Variants in DDX6 observed in about 807,000 individuals in gnomAD.
DDX6 encodes the protein probable ATP-dependent RNA helicase DDX6.
DDX6 carries 7 observed loss-of-function variants against 60.6 expected under a neutral mutation model. The observed-to-expected ratio is 0.12, with a 90% confidence interval of 0.07 to 0.22. DDX6 has a LOEUF of 0.22. Among genes scored for constraint, DDX6 ranks in the 10% least tolerant of loss-of-function variants. The pLI, the probability that DDX6 is intolerant of heterozygous loss-of-function variation, is 1.00. For missense variants in DDX6, 270 were observed against 589.9 expected (o/e 0.46, Z 5.62); for synonymous variants, 207 against 201.0 (o/e 1.03, Z -0.25).
At position 118,791,156 on chromosome 11, in the gene DDX6, G is replaced by T; in HGVS notation, c.-326C>A. On this transcript the variant is annotated 5_prime_UTR_variant, in exon 1 of 14. Coordinates refer to ENST00000534980, the MANE Select transcript of DDX6 (RefSeq NM_004397.6). ...AGTCGCCGCCTGGCTGAGCTAACTC[G>T]GCTCCTCTGCCCCCTCCCTCGCTCG... The T allele has an allele frequency of 6.6e-6, 1 of 151,808 alleles. No individual in the cohort carries two copies. The highest frequency in any genetic ancestry group is 2.1e-4 in the South Asian group (1 of 4,838). 9.4% of individuals were successfully genotyped at this position (151,808 alleles called of 1,614,324 possible).
intron 13 of DDX6, 139 bp downstream of exon 13, chr11:118,754,564 TTA>T (rs1860899169): frequency 1.5e-5 from 10 of 687,358 alleles, no homozygotes; most frequent in Admixed American, 3.3e-5. Context: ...ACAAGAGATA[TTA>T]TTTACTGTCA....
intron 9 of DDX6, 65 bp downstream of exon 9, chr11:118,758,708 TG>T (rs1446739513): frequency 6.3e-7 from 1 of 1,575,802 alleles, no homozygotes; most frequent in Non-Finnish European, 8.6e-7. Flanking sequence ...GTGGGAAAAT[TG>T]ATGAAATCAT....
At chr11:118,788,939 C>T (rs962271322) in intron 1 of DDX6, 1 of 152,134 alleles carries the variant, frequency 6.6e-6, no homozygotes, top group African/African-American at 2.4e-5. Context: ...CCTTAGCCTC[C>T]TAAAGTGCTA....
intron 1 of DDX6, chr11:118,789,997 TACAGCACTTCACAGATCGTAGTTAGC>T (rs1862212285): frequency 2.0e-5 from 3 of 152,154 alleles, no homozygotes; most frequent in African/African-American, 7.2e-5. Context: ...CGGAGTTAAT[TACAGCACTTCACAGATCGTAGTTAGC>T]AATTGACAGT....
In DDX6 at chr11:118,756,293, G is replaced by C; in HGVS notation, c.1141C>G (p.Arg381Gly). The C allele has an allele frequency of 6.2e-7, 1 of 1,613,440 alleles. No homozygotes were observed. The highest frequency in any genetic ancestry group is 8.5e-7 in the Non-Finnish European group (1 of 1,179,650). Reference sequence around the variant, plus strand: ...ACAAGATTGCGGCATAAGCCATTTCGGAAATCATGAAATACACGATTTCGA... The same window carrying C: ...ACAAGATTGCGGCATAAGCCATTTCCGAAATCATGAAATACACGATTTCGA... ...EHRNRVFHDF[R>G]NGLCRNLVCT... Residue 381 changes from arginine (R) to glycine (G), a missense_variant, in exon 11 of 14, where the codon CGA becomes GGA. Physicochemically the swap from Arg to Gly is moderately radical, Grantham distance 125. Transcript: ENST00000534980.
chr11:118,785,223 C>T (rs149803224), intron 2 of DDX6, among the ~76,000 whole-genome samples: 1 of 152,258 alleles, frequency 6.6e-6, no homozygotes, highest in African/African-American at 2.4e-5. Flanking sequence ...TACATACTTT[C>T]AGCTTTAAAA....
At chr11:118,773,397 G>A (rs1202266114) in intron 4 of DDX6, among the ~76,000 whole-genome samples, 3 of 148,004 alleles carry the variant, frequency 2.0e-5, no homozygotes, top group Non-Finnish European at 3.0e-5. Flanking sequence ...GTGAAACCCC[G>A]TCTCTACTAA....
At chr11:118,789,697 A>G (rs1239732381) in intron 1 of DDX6, 1 of 152,220 alleles carries the variant, frequency 6.6e-6, no homozygotes, top group Admixed American at 6.5e-5. Context: ...AGCTGTTTGC[A>G]GAGCACTAAG....
At chr11:118,766,916 C>T (rs1253869962) in intron 5 of DDX6, among the ~76,000 whole-genome samples, 6 of 145,888 alleles carry the variant, frequency 4.1e-5, no homozygotes, top group African/African-American at 1.5e-4. Flanking sequence ...AGACAGATCT[C>T]GCTCTGTTAC....
intron 7 of DDX6, among the ~76,000 whole-genome samples, chr11:118,762,283 A>AT (rs10696350): frequency 1.3e-5 from 2 of 149,670 alleles, no homozygotes; most frequent in African/African-American, 4.9e-5. Flanking sequence ...CAAAAAAAAA[A>AT]AAATAATAAT....
In DDX6 at chr11:118,749,412, C is replaced by T. The variant is rs1181486477; in HGVS notation, c.*2693G>A. The T allele has an allele frequency of 1.4e-5, 2 of 138,576 alleles. No homozygotes were observed. The highest frequency in any genetic ancestry group is 1.5e-5 in the Non-Finnish European group (1 of 64,716). 8.6% of individuals were successfully genotyped at this position (138,576 alleles called of 1,614,324 possible). A position where few individuals can be genotyped will look rare whatever the true frequency, so the allele number is the denominator to read the frequency against. On this transcript the variant is annotated 3_prime_UTR_variant, in exon 14 of 14. Coordinates refer to ENST00000534980, the MANE Select transcript of DDX6 (RefSeq NM_004397.6). ...GGCTTTGACCTAGTCCTCAGAGCAT[C>T]TTTCCATTTAACAATTCCTATTCAA...
chr11:118,774,955 C>G (rs1251978703), intron 4 of DDX6, among the ~76,000 whole-genome samples: 1 of 152,102 alleles, frequency 6.6e-6, no homozygotes, highest in South Asian at 2.1e-4. Flanking sequence ...TAGAAGACAG[C>G]CTGCCATGAG....
In DDX6 at chr11:118,749,370, A is replaced by AAAG. The variant is rs1860675287; in HGVS notation, c.*2734_*2735insCTT. On this transcript the variant is annotated 3_prime_UTR_variant, in exon 14 of 14. Coordinates refer to ENST00000534980, the MANE Select transcript of DDX6 (RefSeq NM_004397.6). ...CCCAAAAAAGAAAGAAAAAAAAAAA[A>AAAG]AAAAAAAAAAAGACCAGGCTTTGAC... 1 of 149,582 alleles carries AAAG rather than the reference A, an allele frequency of 6.7e-6. No individual in the cohort carries two copies. Among genetic ancestry groups the AAAG allele is most frequent in the Admixed American group, 6.7e-5 (1 of 14,984 alleles). 9.3% of individuals were successfully genotyped at this position (149,582 alleles called of 1,614,324 possible).
At chr11:118,784,926 A>G (rs543147134) in intron 2 of DDX6, among the ~76,000 whole-genome samples, 2 of 152,230 alleles carry the variant, frequency 1.3e-5, no homozygotes, top group South Asian at 2.1e-4. Context: ...TTGTACTTTT[A>G]GTAGAGACGG....
intron 5 of DDX6, 85 bp from the exon 6 acceptor site, chr11:118,765,440 A>C (rs1861317919): frequency 7.0e-7 from 1 of 1,429,030 alleles, no homozygotes; most frequent in African/African-American, 1.4e-5. Context: ...AAATTTAAGA[A>C]GCTATAGAAA....
Position 118,768,227 on chromosome 11 carries a change from T to C in DDX6, c.495A>G (p.Ile165Met), listed in dbSNP as rs1861420435. ...ACAAACTTTTATTCAACTAACCTTG[T>C]ATATTGTCCTTCTTCAGGTCTAGCC... is the stretch of plus-strand genomic sequence containing the variant. Reference protein sequence around the residue: ...LERLDLKKDNIQAMVIVPTRE... With the variant: ...LERLDLKKDNMQAMVIVPTRE... The change falls in exon 5 of 14, where the codon ATA (isoleucine) becomes ATG (methionine). Residue 165 changes from isoleucine to methionine, a missense_variant. This residue lies in a region of DDX6 where 17 missense variants were observed against 18.6 expected (regional missense o/e 0.91). Transcript: ENST00000534980. 1.2e-6 allele frequency: 2 copies of C among 1,613,614 alleles called. No individual in the cohort carries two copies. The highest frequency in any genetic ancestry group is 1.7e-6 in the Non-Finnish European group (2 of 1,179,756).
chr11:118,779,742 C>CA lies in DDX6; in HGVS notation c.265-7dup, dbSNP rs1861824612. ...CCTTTTGTGGAGGTCACATCCTAGT[C>CA]AAACAAAAAGGAACAATAAAAGAAT... On this transcript the variant is annotated splice_polypyrimidine_tract_variant and splice_region_variant and intron_variant, in intron 3 of 13. Transcript: ENST00000534980. 1 of 1,580,610 alleles carries CA rather than the reference C, an allele frequency of 6.3e-7. No individual in the cohort carries two copies. The highest frequency in any genetic ancestry group is 1.4e-5 in the African/African-American group (1 of 73,904).
chr11:118,791,291 T>C (rs1862271470), upstream of DDX6: 1 of 151,908 alleles, frequency 6.6e-6, no homozygotes, highest in African/African-American at 2.4e-5. Context: ...CGCGGCTATA[T>C]TCGCCGCGGC....
chr11:118,765,627 T>C (rs967183488), intron 5 of DDX6, among the ~76,000 whole-genome samples: 2 of 150,888 alleles, frequency 1.3e-5, no homozygotes, highest in Non-Finnish European at 1.5e-5. Flanking sequence ...ATACAAAAAT[T>C]ATCCAGGCGT....
Sources: gnomAD v4.1 joint callset for allele counts (sites outside exome capture counted in the v4.1 genomes callset) on GRCh38, gnomAD v4.1.1 for gene constraint, gnomAD v4.1.1 regional missense constraint, MANE v1.5 for transcripts, NCBI Gene and HGNC (gene_info 2026-07-23, HGNC 2026-07-21) for gene names.